The following CLUH variants were observed in gnomAD, a reference collection of about 807,000 sequenced individuals.
The protein encoded by CLUH is CLUH binding protein of NUMT mRNA.
In CLUH, 77 loss-of-function variants were observed where a neutral mutation model predicts 139.3. That is an observed-to-expected ratio of 0.55 (90% confidence interval 0.46 to 0.67). The LOEUF (loss-of-function observed/expected upper bound fraction) is 0.67. Among genes scored for constraint, CLUH ranks in the 30% least tolerant of loss-of-function variants. The pLI is 0.00. For missense variants in CLUH, 1,876 were observed against 1,875.8 expected (o/e 1.00, Z 0.00); for synonymous variants, 999 against 801.6 (o/e 1.25, Z -4.16).
chr17:2,703,253 T>A lies in CLUH; in HGVS notation c.475+65A>T. ...CGTGACACAGGGACCCTGGCATGGA[T>A]GGTGCTGCCTGCCTCTGCCTCCGTG... On this transcript the variant is annotated intron_variant, in intron 3 of 25. Transcript: ENST00000651024. The surrounding 1 kb of genome is among the most constrained non-coding windows in gnomAD (Gnocchi z 4.2). The A allele has an allele frequency of 6.6e-7, 1 of 1,504,724 alleles. No individual in the cohort carries two copies. The highest frequency in any genetic ancestry group is 2.4e-5 in the East Asian group (1 of 41,004). The allele number at this position is 1,504,724 out of a possible 1,614,324, so 93.2% of individuals were successfully genotyped here.
At chr17:2,690,843 G>A (rs535448022) in intron 25 of CLUH, 66 bp from the exon 26 acceptor site, 2 of 1,291,744 alleles carry the variant, frequency 1.5e-6, no homozygotes, top group East Asian at 2.8e-5. Context: ...CCGCCTCCCG[G>A]CTTTCCTGTG....
rs193242712 is a variant in CLUH, at chr17:2,697,572, G to A, written c.1961+324C>T. Among the ~76,000 whole-genome samples, 7 of 152,256 alleles carry A rather than the reference G, an allele frequency of 4.6e-5. No individual in the cohort carries two copies. The East Asian group carries it at 5.8e-4, about 13-fold the overall frequency. ...CATTTCCTAAGCACTAAACACCAGC[G>A]GCGGGGACCCCCGGTGCCCCACCTG... is the stretch of plus-strand genomic sequence containing the variant. On this transcript the variant is annotated intron_variant, in intron 10 of 25. Coordinates refer to ENST00000651024, the MANE Select transcript of CLUH (RefSeq NM_001366661.1).
chr17:2,693,920 T>A lies in CLUH; in HGVS notation c.3211A>T (p.Ile1071Phe). 6.2e-7 allele frequency: 1 copy of A among 1,613,326 alleles called. No individual in the cohort carries two copies. Among genetic ancestry groups the A allele is most frequent in the Admixed American group, 1.7e-5 (1 of 59,914 alleles). ...GGTACCTCTGCGTAGTCGCCCATGA[T>A]GTAGTGGAGGCGGGCGAGGAGGCGC... is the stretch of plus-strand genomic sequence containing the variant. Reference protein sequence around the residue: ...CLRLLARLHYIMGDYAEALSN... With the variant: ...CLRLLARLHYFMGDYAEALSN... Residue 1071 changes from isoleucine to phenylalanine, a missense_variant, in exon 19 of 26, where the codon ATC becomes TTC. Ile to Phe is a conservative substitution (Grantham distance 21). Coordinates refer to ENST00000651024, the MANE Select transcript of CLUH (RefSeq NM_001366661.1).
In CLUH at chr17:2,695,954, C is replaced by T. The variant is rs573755214; in HGVS notation, c.2391+205G>A. On this transcript the variant is annotated intron_variant, in intron 13 of 25. Transcript: ENST00000651024. ...GCTCAGAAGACTGGATTACCAGCTG[C>T]CAGCCCACACGGTGGGCTCAGCAGG... The T allele has an allele frequency of 1.6e-4, 96 of 596,860 alleles. No homozygotes were observed. The South Asian group carries it at 1.9e-3, about 12-fold the overall frequency. The allele number at this position is 596,860 out of a possible 1,614,324, so 37.0% of individuals were successfully genotyped here. A position where few individuals can be genotyped will look rare whatever the true frequency, so the allele number is the denominator to read the frequency against.
At position 2,704,551 on chromosome 17, in the gene CLUH, G is replaced by A. The variant is rs375965573; in HGVS notation, c.114C>T (p.Val38=). ...CTGGGCAGTCCCCGTTTAAGAGCAT[G>A]ACTGATGGCAGCTCTGCGGGTGACA... The part of the protein sequence containing the change: ...GRPGAAELPS[V]MLLNGDCPES... Residue 38 remains valine, a synonymous_variant, in exon 2 of 26, where the codon GTC becomes GTT. Transcript: ENST00000651024. This position sits in a 1 kb window ranked among gnomAD's most constrained non-coding sequence, Gnocchi z 5.7. 3.4e-5 allele frequency: 53 copies of A among 1,564,182 alleles called. No individual in the cohort carries two copies. In the African/African-American group the frequency reaches 6.9e-4, roughly 20 times the overall value.
chr17:2,694,822 T>TGCCACC, intron 16 of CLUH, 35 bp downstream of exon 16: 1 of 1,346,338 alleles, frequency 7.4e-7, no homozygotes, highest in Non-Finnish European at 1.0e-6. Flanking sequence ...ATCTGCCCAA[T>TGCCACC]CCCACCCACC....
chr17:2,698,793 C>T (rs2070070209), intron 9 of CLUH, among the ~76,000 whole-genome samples: 3 of 152,134 alleles, frequency 2.0e-5, no homozygotes, highest in Admixed American at 2.0e-4. Context: ...CCTGTAATCC[C>T]AGCACTTTGA....
In CLUH at chr17:2,693,996, G is replaced by A; in HGVS notation, c.3135C>T (p.Asn1045=). ...TGGCTCCGTAGACGTTGTTAAACAG[G>A]TTCAGGGCCTCATTGATGAGCTCAC... The part of the protein sequence containing the change: ...EGCELINEAL[N]LFNNVYGAMH... Residue 1045 remains asparagine, a synonymous_variant, in exon 19 of 26, where the codon AAC becomes AAT. Coordinates refer to ENST00000651024, the MANE Select transcript of CLUH (RefSeq NM_001366661.1). 1.2e-6 allele frequency: 2 copies of A among 1,613,950 alleles called. No individual in the cohort carries two copies. Among genetic ancestry groups the A allele is most frequent in the East Asian group, 2.2e-5 (1 of 44,872 alleles).
rs903344334 is a variant in CLUH at position 2,691,778 on chromosome 17, T to G, written c.3772A>C (p.Asn1258His). The G allele has an allele frequency of 1.3e-6, 2 of 1,594,110 alleles. No individual in the cohort carries two copies. The highest frequency in any genetic ancestry group is 1.7e-6 in the Non-Finnish European group (2 of 1,171,034). Residue 1258 changes from asparagine (N) to histidine (H), a missense_variant, in exon 24 of 26, where the codon AAC becomes CAC. This residue lies in a region of CLUH where 1,454 missense variants were observed against 1,384.4 expected (regional missense o/e 1.05). Coordinates refer to ENST00000651024, the MANE Select transcript of CLUH (RefSeq NM_001366661.1). Reference protein sequence around the residue: ...NEIYRNGSSANIPPLKFTAPS... With the variant: ...NEIYRNGSSAHIPPLKFTAPS... ...GGACTCACCTTGAGGGGCGGGATGT[T>G]GGCGCTGGAGCCGTTGCGGTAGATC...
intron 22 of CLUH, 104 bp downstream of exon 22, chr17:2,692,257 T>G (rs1000544959): frequency 6.9e-7 from 1 of 1,452,140 alleles, no homozygotes; most frequent in Non-Finnish European, 9.1e-7. Context: ...CGAGAGAAAT[T>G]TTCTCGGGTG....
intron 3 of CLUH, among the ~76,000 whole-genome samples, chr17:2,702,410 C>T (rs1485860404): frequency 1.3e-5 from 2 of 152,228 alleles, no homozygotes; most frequent in African/African-American, 2.4e-5. Context: ...TTCCACACCA[C>T]AGCCTTGCCC....
chr17:2,691,723 C>G (rs1247842731), intron 24 of CLUH, 38 bp downstream of exon 24: 4 of 1,603,054 alleles, frequency 2.5e-6, no homozygotes, highest in Non-Finnish European at 3.4e-6. Context: ...GGCTCCCGCG[C>G]TCGCCGGGCC....
rs929544170 is a variant in CLUH at position 2,690,682 on chromosome 17, G to A, written c.3959C>T (p.Ala1320Val). The A allele has an allele frequency of 5.1e-6, 8 of 1,565,838 alleles. No homozygotes were observed. Among genetic ancestry groups the A allele is most frequent in the East Asian group, 2.4e-5 (1 of 41,474 alleles). Residue 1320 changes from alanine to valine, a missense_variant, in exon 26 of 26, where the codon GCT becomes GTT. By Grantham distance (64) the Ala-to-Val change is moderately conservative. Around this residue, in one of 3 missense-constraint regions of CLUH, gnomAD observed 1,454 missense variants for 1,384.4 expected, o/e 1.05. Coordinates refer to ENST00000651024, the MANE Select transcript of CLUH (RefSeq NM_001366661.1). ...RNRDRAEEPM[A>V]TEPAPAGAPG... Reference sequence around the variant, plus strand: ...GGCCCCCGCTGGCGCGGGCTCGGTAGCCATGGGCTCCTCGGCTCTATCCCT... The same window carrying A: ...GGCCCCCGCTGGCGCGGGCTCGGTAACCATGGGCTCCTCGGCTCTATCCCT...
intron 9 of CLUH, 135 bp downstream of exon 9, chr17:2,700,247 C>T (rs1484116933): frequency 1.2e-5 from 9 of 739,348 alleles, no homozygotes; most frequent in African/African-American, 3.5e-5. Context: ...CTGCGGGAGA[C>T]GCTGACTGGC....
rs115054466 is a variant in CLUH, at chr17:2,696,576, T to G, written c.2186-38A>C. 8.4e-3 allele frequency: 12,874 copies of G among 1,537,786 alleles called. 956 individuals carry two copies. In the African/African-American group the frequency reaches 0.15, roughly 18 times the overall value. On this transcript the variant is annotated intron_variant, in intron 11 of 25. Coordinates refer to ENST00000651024, the MANE Select transcript of CLUH (RefSeq NM_001366661.1). Reference sequence around the variant, plus strand: ...GGCTCCATGAGACACGGGTCCCCTCTGCCACCGGTGGAGCTGGGCTGCGCC... The same window carrying G: ...GGCTCCATGAGACACGGGTCCCCTCGGCCACCGGTGGAGCTGGGCTGCGCC...
intron 13 of CLUH, 60 bp from the exon 14 acceptor site, chr17:2,695,586 C>T (rs2151701430): frequency 1.3e-6 from 2 of 1,502,092 alleles, no homozygotes; most frequent in Non-Finnish European, 8.9e-7. Flanking sequence ...CAACTGAGTC[C>T]TTCTGGGGGA....
In CLUH at chr17:2,701,015, C is replaced by T. The variant is rs905986453; in HGVS notation, c.1025+125G>A. The T allele has an allele frequency of 3.2e-5, 49 of 1,521,046 alleles. No homozygotes were observed. In the South Asian group the frequency reaches 4.1e-4, roughly 13 times the overall value. 94.2% of individuals were successfully genotyped at this position (1,521,046 alleles called of 1,614,324 possible). On this transcript the variant is annotated intron_variant, in intron 7 of 25. Transcript: ENST00000651024. ...GGCACTGGCCGACAGCTCCCTAGAG[C>T]GGGGACTCCAACACTGGGGGCCCAG...
In CLUH at chr17:2,690,737, G is replaced by C; in HGVS notation, c.3904C>G (p.Arg1302Gly). 6.5e-7 allele frequency: 1 copy of C among 1,548,328 alleles called. No homozygotes were observed. The highest frequency in any genetic ancestry group is 8.6e-7 in the Non-Finnish European group (1 of 1,156,094). The change falls in exon 26 of 26, where the codon CGG (arginine) becomes GGG (glycine). Residue 1302 changes from arginine (R) to glycine (G), a missense_variant. Coordinates refer to ENST00000651024, the MANE Select transcript of CLUH (RefSeq NM_001366661.1). ...LENLKAEVAR[R>G]HQLQEASRNR... is the part of the protein sequence containing the mutation. The stretch of plus-strand genomic sequence containing the variant: ...CTGCTGGCCTCCTGGAGCTGGTGCC[G>C]CCGCGCCACCTCGGCTTTCAGATTC...
At chr17:2,695,859 GGGA>G (rs200298015) in intron 13 of CLUH, 121 of 568,210 alleles carry the variant, frequency 2.1e-4, no homozygotes, top group Middle Eastern at 4.7e-4. Context: ...CAGAGCCTGC[GGGA>G]GGAGGAGGAG....
Sources: gnomAD v4.1 joint callset for allele counts (sites outside exome capture counted in the v4.1 genomes callset) on GRCh38, gnomAD v4.1.1 for gene constraint, gnomAD v4.1.1 regional missense constraint, Gnocchi (gnomAD v3.1) non-coding constraint, MANE v1.5 for transcripts, NCBI Gene and HGNC (gene_info 2026-07-23, HGNC 2026-07-21) for gene names.